Variants in KDM4C observed in about 807,000 individuals in gnomAD.
KDM4C encodes the protein lysine-specific demethylase 4C.
Under a neutral mutation model 129.3 loss-of-function variants are expected in KDM4C, and 81 were observed. That is an observed-to-expected ratio of 0.63 (90% CI 0.52 to 0.75). KDM4C has a LOEUF of 0.75. Among genes scored for constraint, KDM4C ranks in the 30% least tolerant of loss-of-function variants. The probability of loss-of-function intolerance (pLI) is 0.00; values close to 1 mark genes in which losing one functional copy is unlikely to be tolerated. For synonymous variants in KDM4C, 573 were observed against 456.1 expected (o/e 1.26, Z -3.26); for missense variants, 1,457 against 1,304.0 (o/e 1.12, Z -1.81).
At chr9:6,858,232 T>C (rs1313345408) in intron 5 of KDM4C, among the ~76,000 whole-genome samples, 1 of 150,440 alleles carries the variant, frequency 6.6e-6, no homozygotes, top group African/African-American at 2.4e-5. Context: ...TTGCTTATTT[T>C]GTTATTAGCA....
rs545367461 is a variant in KDM4C, at chr9:7,076,712, G to T, written c.2425-26973G>T. 137 of 1,231,008 alleles carry T rather than the reference G, an allele frequency of 1.1e-4. 1 individual carries two copies. The South Asian group carries it at 3.6e-3, about 32-fold the overall frequency. The allele number at this position is 1,231,008 out of a possible 1,614,324, so 76.3% of individuals were successfully genotyped here. On this transcript the variant is annotated intron_variant, in intron 17 of 21. Transcript: ENST00000381309. ...TGTTTAATTTTTTTAAATTTCATTT[G>T]TTGACTTCCTATGTGGGGTAAAATG...
At chr9:6,906,213 C>T (rs922001638) in intron 8 of KDM4C, among the ~76,000 whole-genome samples, 2 of 151,802 alleles carry the variant, frequency 1.3e-5, no homozygotes, top group Non-Finnish European at 2.9e-5. Flanking sequence ...TTTTTTTCTC[C>T]GTTTGCTTTC....
At chr9:6,822,411 A>G (rs937381752) in intron 4 of KDM4C, among the ~76,000 whole-genome samples, 29 of 152,226 alleles carry the variant, frequency 1.9e-4, no homozygotes, top group Non-Finnish European at 3.8e-4. Flanking sequence ...TCTCAGGAGG[A>G]TGAGATTAAT....
intron 8 of KDM4C, among the ~76,000 whole-genome samples, chr9:6,967,129 T>G (rs1831123212): frequency 6.6e-6 from 1 of 151,918 alleles, no homozygotes; most frequent in African/African-American, 2.4e-5. Flanking sequence ...GGCCAAAAAT[T>G]ATACAGACTC....
At chr9:6,861,174 C>G (rs1469902852) in intron 5 of KDM4C, among the ~76,000 whole-genome samples, 1 of 152,166 alleles carries the variant, frequency 6.6e-6, no homozygotes, top group African/African-American at 2.4e-5. Context: ...ATTTATATAG[C>G]TCTAATGGTC....
At chr9:6,994,790 T>C (rs1416132088) in intron 12 of KDM4C, among the ~76,000 whole-genome samples, 1 of 152,228 alleles carries the variant, frequency 6.6e-6, no homozygotes, top group Non-Finnish European at 1.5e-5. Context: ...TAATTACCAA[T>C]ATAAATGTGA....
intron 1 of KDM4C, among the ~76,000 whole-genome samples, chr9:6,762,157 G>T (rs1819676870): frequency 6.6e-6 from 1 of 151,948 alleles, no homozygotes; most frequent in African/African-American, 2.4e-5. Flanking sequence ...GTGCAGGTTT[G>T]TTACATAGGT....
chr9:6,909,246 G>T (rs1237378897), intron 8 of KDM4C, among the ~76,000 whole-genome samples: 1 of 152,242 alleles, frequency 6.6e-6, no homozygotes, highest in East Asian at 1.9e-4. Context: ...GCTAGTGGAA[G>T]CATGTCCTGG....
intron 8 of KDM4C, among the ~76,000 whole-genome samples, chr9:6,945,616 A>C (rs891852642): frequency 6.6e-5 from 10 of 152,184 alleles, no homozygotes; most frequent in African/African-American, 2.2e-4. Flanking sequence ...AAATAGATGG[A>C]ATTTACTACT....
intron 17 of KDM4C, among the ~76,000 whole-genome samples, chr9:7,079,466 G>C (rs116096056): frequency 0.021 from 3,202 of 152,236 alleles, 117 homozygotes; most frequent in African/African-American, 0.073. Context: ...AGTACTACAG[G>C]TGCATGCCAC....
At chr9:7,147,146 A>G (rs567446079) in intron 19 of KDM4C, among the ~76,000 whole-genome samples, 1 of 152,228 alleles carries the variant, frequency 6.6e-6, no homozygotes, top group Non-Finnish European at 1.5e-5. Flanking sequence ...AGGTTTATTA[A>G]TGAGAAAACC....
chr9:7,144,070 T>G (rs1474417679), intron 19 of KDM4C, among the ~76,000 whole-genome samples: 1 of 152,226 alleles, frequency 6.6e-6, no homozygotes, highest in Non-Finnish European at 1.5e-5. Flanking sequence ...ATTACTTCAT[T>G]TTTGCATGTA....
chr9:7,011,653 C>G, intron 12 of KDM4C, 45 bp from the exon 13 acceptor site: 1 of 1,543,112 alleles, frequency 6.5e-7, no homozygotes, highest in Non-Finnish European at 9.0e-7. Context: ...TGATTGTTTT[C>G]CCTGGTTCCC....
Position 6,980,945 on chromosome 9 carries a change from G to T in KDM4C, c.942G>T (p.Met314Ile). ...TTCAGTGCACTTGCAGGAAAGACAT[G>T]GTGAAGATTTCAATGGATATCTTTG... ...VAKLCTCRKD[M>I]VKISMDIFVR... Residue 314 changes from methionine to isoleucine, a missense_variant, in exon 9 of 22, where the codon ATG (methionine) becomes ATT (isoleucine). Coordinates refer to ENST00000381309, the MANE Select transcript of KDM4C (RefSeq NM_015061.6). 1 of 1,613,560 alleles carries T rather than the reference G, an allele frequency of 6.2e-7. No individual in the cohort carries two copies.
chr9:6,755,327 C>T (rs1461733006), upstream of KDM4C, among the ~76,000 whole-genome samples: 3 of 151,654 alleles, frequency 2.0e-5, no homozygotes, highest in Non-Finnish European at 2.9e-5. Flanking sequence ...GCTGAGATCG[C>T]GCCACTGCAC....
chr9:6,753,436 A>G (rs114836366), upstream of KDM4C, among the ~76,000 whole-genome samples: 1 of 152,148 alleles, frequency 6.6e-6, no homozygotes, highest in African/African-American at 2.4e-5. Flanking sequence ...TGGGTAATTT[A>G]TTTTTATTAT....
At chr9:7,088,324 T>G (rs1397618719) in intron 17 of KDM4C, among the ~76,000 whole-genome samples, 1 of 152,210 alleles carries the variant, frequency 6.6e-6, no homozygotes, top group Non-Finnish European at 1.5e-5. Flanking sequence ...AGCATCACAT[T>G]CTCTCTTTAA....
intron 8 of KDM4C, among the ~76,000 whole-genome samples, chr9:6,936,444 T>C (rs1824809431): frequency 6.6e-6 from 1 of 152,226 alleles, no homozygotes; most frequent in South Asian, 2.1e-4. Context: ...AAAAACATTA[T>C]TGCCATTGAA....
intron 8 of KDM4C, among the ~76,000 whole-genome samples, chr9:6,918,325 A>C (rs1563810607): frequency 6.6e-6 from 1 of 152,192 alleles, no homozygotes; most frequent in Admixed American, 6.5e-5. Flanking sequence ...CTCCACCTGC[A>C]TCTGTGTTGC....
Sources: allele counts gnomAD v4.1 joint callset (sites outside exome capture counted in the v4.1 genomes callset), GRCh38; gene constraint gnomAD v4.1.1; transcripts MANE v1.5; gene names NCBI Gene and HGNC (gene_info 2026-07-23, HGNC 2026-07-21).